FA2H: variants seen among roughly 807,000 people sequenced by gnomAD.
FA2H encodes fatty acid 2-hydroxylase, also known as fatty acid alpha-hydroxylase.
A neutral mutation model predicts 44.9 loss-of-function variants in FA2H; 22 were observed. The observed-to-expected ratio is 0.49, with a 90% CI of 0.35 to 0.70. The LOEUF (loss-of-function observed/expected upper bound fraction) is 0.70, where lower values mean the gene tolerates loss of function less well. Among genes scored for constraint, FA2H ranks in the 30% least tolerant of loss-of-function variants. The probability of loss-of-function intolerance (pLI) is 0.01; values close to 1 mark genes in which losing one functional copy is unlikely to be tolerated. For missense variants in FA2H, 501 were observed against 504.9 expected, an observed-to-expected ratio of 0.99 and a Z score of 0.07; for synonymous variants, 243 against 213.2, an observed-to-expected ratio of 1.14 and a Z score of -1.22.
At position 74,716,502 on chromosome 16, in the gene FA2H, G is replaced by A. The variant is rs761649745; in HGVS notation, c.884C>T (p.Ala295Val). Residue 295 changes from alanine (A) to valine (V), a missense_variant, in exon 6 of 7, where the codon GCA becomes GTA. Transcript: ENST00000219368. ...CCCCGCAAACACAGTGCCCCCTACT[G>A]CCTCGGGCAGGATGAGCTGCATGCA... ...YLCMQLILPE[A>V]VGGTVFAGGL... 1.2e-6 allele frequency: 2 copies of A among 1,613,646 alleles called. No individual in the cohort carries two copies. Among genetic ancestry groups the A allele is most frequent in the East Asian group, 2.2e-5 (1 of 44,766 alleles).
At chr16:74,761,661 C>G (rs1222046914) in intron 1 of FA2H, among the ~76,000 whole-genome samples, 1 of 152,226 alleles carries the variant, frequency 6.6e-6, no homozygotes, top group Non-Finnish European at 1.5e-5. Flanking sequence ...TGCTCAAATA[C>G]TGACCACCTC....
intron 1 of FA2H, among the ~76,000 whole-genome samples, chr16:74,773,291 T>C (rs917118511): frequency 6.6e-6 from 1 of 152,210 alleles, no homozygotes; most frequent in South Asian, 2.1e-4. Flanking sequence ...GTAACTATTC[T>C]ATTATTGTTG....
chr16:74,732,578 A>G (rs866278567), intron 2 of FA2H, among the ~76,000 whole-genome samples: 1 of 151,984 alleles, frequency 6.6e-6, no homozygotes. Flanking sequence ...CTGGGACTAC[A>G]GGCATGCACC....
At chr16:74,733,373 A>G (rs1403504415) in intron 2 of FA2H, among the ~76,000 whole-genome samples, 1 of 152,044 alleles carries the variant, frequency 6.6e-6, no homozygotes, top group African/African-American at 2.4e-5. Flanking sequence ...ATAGATGAGG[A>G]TATTGAGGCC....
In FA2H at chr16:74,745,191, C is replaced by A. The variant is rs115276169; in HGVS notation, c.271-5076G>T. Among the ~76,000 whole-genome samples the A allele has an allele frequency of 1.9e-3, 294 of 152,314 alleles. 1 individual carries two copies. Among genetic ancestry groups the A allele is most frequent in the African/African-American group, 6.7e-3 (279 of 41,560 alleles). On this transcript the variant is annotated intron_variant, in intron 1 of 6. Transcript: ENST00000219368. ...GACACTCTTGTGTTCAGCTCCAGGG[C>A]TGTTGAGTGGCAAGGGGGCACCTGG...
At chr16:74,738,519 G>A (rs1216480029) in intron 2 of FA2H, among the ~76,000 whole-genome samples, 3 of 152,172 alleles carry the variant, frequency 2.0e-5, no homozygotes, top group Non-Finnish European at 2.9e-5. Context: ...CTCCCTCCAG[G>A]ACAGTTTTGT....
rs1403940592 is a variant in FA2H, at chr16:74,716,736, T to A, written c.787-137A>T. 2.2e-5 allele frequency: 22 copies of A among 1,010,574 alleles called. No homozygotes were observed. The South Asian group carries it at 3.1e-4, about 14-fold the overall frequency. 62.6% of individuals were successfully genotyped at this position (1,010,574 alleles called of 1,614,324 possible). On this transcript the variant is annotated intron_variant, in intron 5 of 6. Coordinates refer to ENST00000219368, the MANE Select transcript of FA2H (RefSeq NM_024306.5). Reference sequence around the variant, plus strand: ...GCGTAGGCTTGGCACCTTTGGTGGCTTTGGGGAGGGCGGGCCACCACGTCT... The same window carrying A: ...GCGTAGGCTTGGCACCTTTGGTGGCATTGGGGAGGGCGGGCCACCACGTCT...
chr16:74,764,432 G>A (rs1272064818), intron 1 of FA2H, among the ~76,000 whole-genome samples: 2 of 152,306 alleles, frequency 1.3e-5, no homozygotes, highest in East Asian at 3.9e-4. Flanking sequence ...TATGGATGGA[G>A]CTGGAAGCCA....
rs140575307 is a variant in FA2H at position 74,716,236 on chromosome 16, A to G, written c.1039+111T>C. 3.4e-4 allele frequency: 433 copies of G among 1,271,734 alleles called. 3 individuals are homozygous for G. The African/African-American group carries it at 5.2e-3, about 15-fold the overall frequency. The allele number at this position is 1,271,734 out of a possible 1,614,324, so 78.8% of individuals were successfully genotyped here. A position where few individuals can be genotyped will look rare whatever the true frequency, so the allele number is the denominator to read the frequency against. On this transcript the variant is annotated intron_variant, in intron 6 of 6. Transcript: ENST00000219368. ...GAAGAGAGTAGAGGGAACCCTCTGTATATGCCCCGTACATGGAACAGTGCC... is the reference window on the plus strand; with the variant it reads ...GAAGAGAGTAGAGGGAACCCTCTGTGTATGCCCCGTACATGGAACAGTGCC...
chr16:74,746,748 GT>G (rs1480070768), intron 1 of FA2H, among the ~76,000 whole-genome samples: 1 of 152,134 alleles, frequency 6.6e-6, no homozygotes, highest in African/African-American at 2.4e-5. Context: ...GAGAGCAGGG[GT>G]TTTCTTCTCT....
chr16:74,729,237 C>G (rs1303161779), intron 2 of FA2H, among the ~76,000 whole-genome samples: 3 of 152,204 alleles, frequency 2.0e-5, no homozygotes, highest in Admixed American at 2.0e-4. Flanking sequence ...CTCAATCTCC[C>G]GATCCTCGTG....
chr16:74,742,732 G>T (rs1962339138), intron 1 of FA2H, among the ~76,000 whole-genome samples: 1 of 152,174 alleles, frequency 6.6e-6, no homozygotes, highest in South Asian at 2.1e-4. Flanking sequence ...TAGCTACTCA[G>T]GAGGCTGAGG....
intron 1 of FA2H, among the ~76,000 whole-genome samples, chr16:74,753,892 T>C (rs999837247): frequency 3.3e-5 from 5 of 152,246 alleles, no homozygotes; most frequent in Admixed American, 2.6e-4. Flanking sequence ...GGTGGCCTTA[T>C]AATCTTTTAA....
intron 1 of FA2H, among the ~76,000 whole-genome samples, chr16:74,764,192 A>G (rs1240990375): frequency 2.0e-5 from 3 of 152,166 alleles, no homozygotes; most frequent in Admixed American, 1.3e-4. Context: ...TTACAATACC[A>G]TGTCACCCAG....
rs1961635184 is a variant in FA2H, at chr16:74,714,126, G to A, written c.*64C>T. The stretch of plus-strand genomic sequence containing the variant: ...CCAACCTTCTTAATGGGGTCTGAAT[G>A]GCGGGTGGGGGTCGGGAAGGGGCCA... On this transcript the variant is annotated 3_prime_UTR_variant, in exon 7 of 7. Coordinates refer to ENST00000219368, the MANE Select transcript of FA2H (RefSeq NM_024306.5). 12 of 991,780 alleles carry A rather than the reference G, an allele frequency of 1.2e-5. No homozygotes were observed. The South Asian group carries it at 1.7e-4, about 14-fold the overall frequency. 61.4% of individuals were successfully genotyped at this position (991,780 alleles called of 1,614,324 possible).
chr16:74,729,229 C>T (rs1309508290), intron 2 of FA2H, among the ~76,000 whole-genome samples: 2 of 152,150 alleles, frequency 1.3e-5, no homozygotes, highest in African/African-American at 4.8e-5. Context: ...AAGATAGTCT[C>T]AATCTCCCGA....
At chr16:74,737,330 T>C (rs1962201690) in intron 2 of FA2H, among the ~76,000 whole-genome samples, 1 of 152,076 alleles carries the variant, frequency 6.6e-6, no homozygotes, top group African/African-American at 2.4e-5. Flanking sequence ...AGGGTGAGAA[T>C]CCACAACCTG....
chr16:74,753,045 T>A (rs895937580), intron 1 of FA2H, among the ~76,000 whole-genome samples: 1 of 152,220 alleles, frequency 6.6e-6, no homozygotes, highest in African/African-American at 2.4e-5. Context: ...CACCCCTGGT[T>A]AGCAGAAGCT....
At position 74,713,994 on chromosome 16, in the gene FA2H, G is replaced by T; in HGVS notation, c.*196C>A. The T allele has an allele frequency of 5.1e-6, 3 of 585,698 alleles. No homozygotes were observed. The highest frequency in any genetic ancestry group is 9.2e-6 in the Non-Finnish European group (3 of 327,588). 36.3% of individuals were successfully genotyped at this position (585,698 alleles called of 1,614,324 possible). ...CCAAGGGCCACCTGGCCACCAAGTG[G>T]ATGTGACCCTCCTACCAGGGGTCAG... On this transcript the variant is annotated 3_prime_UTR_variant, in exon 7 of 7. Transcript: ENST00000219368.
Sources: gnomAD v4.1 joint callset for allele counts (sites outside exome capture counted in the v4.1 genomes callset) on GRCh38, gnomAD v4.1.1 for gene constraint, MANE v1.5 for transcripts, NCBI Gene and HGNC (gene_info 2026-07-23, HGNC 2026-07-21) for gene names.